The following TCHP variants were observed in gnomAD, a reference collection of about 807,000 sequenced individuals.
The protein encoded by TCHP is trichoplein keratin filament-binding protein.
In TCHP, 81 loss-of-function variants were observed where a neutral mutation model predicts 88.7. The observed-to-expected ratio is 0.91, with a 90% CI of 0.76 to 1.10. TCHP has a LOEUF of 1.10. TCHP is among the 50% of genes least tolerant of loss of function. The pLI, the probability that TCHP is intolerant of heterozygous loss-of-function variation, is 0.00. For missense variants in TCHP, 641 were observed against 632.1 expected (o/e 1.01, Z -0.15); for synonymous variants, 232 against 232.5 (o/e 1.00, Z 0.02).
At position 109,908,522 on chromosome 12, in the gene TCHP, TGAAG is replaced by T. The variant is rs1348202375; in HGVS notation, c.700-59_700-56del. 9.4e-6 allele frequency: 13 copies of T among 1,387,812 alleles called. No homozygotes were observed. In the East Asian group the frequency reaches 2.6e-4, roughly 28 times the overall value. 86.0% of individuals were successfully genotyped at this position (1,387,812 alleles called of 1,614,324 possible). A position where few individuals can be genotyped will look rare whatever the true frequency, so the allele number is the denominator to read the frequency against. On this transcript the variant is annotated intron_variant, in intron 6 of 12. Coordinates refer to ENST00000405876, the MANE Select transcript of TCHP (RefSeq NM_001143852.2). ...GTCTGCGAAAAATGGAGATGGAGAA[TGAAG>T]GAAGATCTGATTCCCACGATCTCAG...
chr12:109,884,484 G>A, the TCHP span, among the ~76,000 whole-genome samples: 6 of 152,084 alleles, frequency 3.9e-5, no homozygotes, highest in African/African-American at 7.2e-5. Context: ...CACTGCACCC[G>A]GCCGAATCCA....
At chr12:109,907,432 C>T in intron 5 of TCHP, 94 bp from the exon 6 acceptor site, 2 of 1,329,566 alleles carry the variant, frequency 1.5e-6, no homozygotes, top group Non-Finnish European at 2.1e-6. Flanking sequence ...CAGGAACTGC[C>T]TGGGCCCTGT....
chr12:109,902,147 A>G (rs1238390035), intron 1 of TCHP, among the ~76,000 whole-genome samples: 1 of 152,150 alleles, frequency 6.6e-6, no homozygotes, highest in African/African-American at 2.4e-5. Context: ...GCTGGCCCAC[A>G]GCTGGGTGCA....
chr12:109,904,301 G>C (rs562758657), intron 3 of TCHP, among the ~76,000 whole-genome samples, 154 bp downstream of exon 3: 3 of 152,276 alleles, frequency 2.0e-5, no homozygotes, highest in African/African-American at 7.2e-5. Context: ...CTTGTGCAGG[G>C]ACTGGGTTTT....
intron 1 of TCHP, chr12:109,900,774 T>C (rs1318807033): frequency 6.6e-6 from 1 of 152,218 alleles, no homozygotes; most frequent in Non-Finnish European, 1.5e-5. Context: ...GGTCACACGT[T>C]AGCAGCCTGC....
intron 5 of TCHP, 126 bp from the exon 6 acceptor site, chr12:109,907,400 G>A (rs1445021836): frequency 1.1e-6 from 1 of 927,900 alleles, no homozygotes; most frequent in Non-Finnish European, 1.7e-6. Flanking sequence ...GCGTCTGAGG[G>A]CGTTGTCATT....
the TCHP span, among the ~76,000 whole-genome samples, chr12:109,887,266 AC>A: frequency 4.6e-5 from 7 of 151,976 alleles, no homozygotes; most frequent in Non-Finnish European, 8.8e-5. Context: ...TACTAAAAAT[AC>A]AAAAATTAGC....
At chr12:109,888,177 G>T in the TCHP span, 1 of 152,394 alleles carries the variant, frequency 6.6e-6, no homozygotes, top group Non-Finnish European at 1.5e-5. Context: ...AATTGTTCAA[G>T]AATAGAAGGG....
At chr12:109,890,173 A>G in the TCHP span, among the ~76,000 whole-genome samples, 1 of 152,178 alleles carries the variant, frequency 6.6e-6, no homozygotes, top group South Asian at 2.1e-4. Flanking sequence ...TCACATGGAT[A>G]AACTGTTCTA....
At chr12:109,881,787 A>T in the TCHP span, among the ~76,000 whole-genome samples, 4 of 152,168 alleles carry the variant, frequency 2.6e-5, no homozygotes, top group African/African-American at 9.7e-5. Flanking sequence ...ATCACAAGTC[A>T]TCTCAGCCAC....
chr12:109,891,569 G>T, the TCHP span, among the ~76,000 whole-genome samples: 8 of 141,110 alleles, frequency 5.7e-5, no homozygotes, highest in South Asian at 4.5e-4. Context: ...AATTTTTTGG[G>T]TTTTTTTTTT....
chr12:109,896,483 G>C (rs992672340), upstream of TCHP, among the ~76,000 whole-genome samples: 7 of 152,208 alleles, frequency 4.6e-5, no homozygotes, highest in African/African-American at 1.7e-4. Context: ...ATATCTCAAA[G>C]CACCTGGCAC....
rs764754899 is a variant in TCHP, at chr12:109,904,821, A to C, written c.456+28A>C. The C allele has an allele frequency of 2.5e-6, 4 of 1,587,964 alleles. No individual in the cohort carries two copies. In the African/African-American group the frequency reaches 4.1e-5, roughly 16 times the overall value. The stretch of plus-strand genomic sequence containing the variant: ...GAAAATCAGAGATCTCCATTGATTT[A>C]TCTAAGTAGATGAAATCATGTTTCC... On this transcript the variant is annotated intron_variant, in intron 4 of 12. Transcript: ENST00000405876.
intron 5 of TCHP, among the ~76,000 whole-genome samples, chr12:109,907,253 C>T (rs75573384): frequency 0.026 from 4,029 of 152,326 alleles, 124 homozygotes; most frequent in African/African-American, 0.069. Context: ...AAACTCGCAG[C>T]CCTGGCTTAC....
chr12:109,899,671 A>G (rs1182691314), upstream of TCHP, among the ~76,000 whole-genome samples: 1 of 152,056 alleles, frequency 6.6e-6, no homozygotes, highest in Non-Finnish European at 1.5e-5. Context: ...ACTTCCATCT[A>G]CTTATGCCAG....
intron 11 of TCHP, 30 bp downstream of exon 11, chr12:109,914,657 C>A: frequency 6.3e-7 from 1 of 1,583,888 alleles, no homozygotes; most frequent in Non-Finnish European, 8.6e-7. Context: ...CGGGAGGCAC[C>A]GGGCCTGCCA....
Position 109,904,747 on chromosome 12 carries a change from A to G in TCHP, c.410A>G (p.Gln137Arg). The G allele has an allele frequency of 6.2e-7, 1 of 1,612,082 alleles. No homozygotes were observed. The highest frequency in any genetic ancestry group is 8.5e-7 in the Non-Finnish European group (1 of 1,179,512). Reference protein sequence around the residue: ...KEEQRKLIAEQLLYEHWKKNN... With the variant: ...KEEQRKLIAERLLYEHWKKNN... ...GTGTTTTCTTGATAGATTGCTGAAC[A>G]ACTTTTGTACGAACACTGGAAAAAG... is the stretch of plus-strand genomic sequence containing the variant. The change falls in exon 4 of 13, where the codon CAA (glutamine) becomes CGA (arginine). Residue 137 changes from glutamine (Q) to arginine (R), a missense_variant. Physicochemically the swap from Gln to Arg is conservative, Grantham distance 43. Transcript: ENST00000405876.
chr12:109,901,044 A>C (rs1382616653), intron 1 of TCHP: 9 of 152,186 alleles, frequency 5.9e-5, no homozygotes, highest in African/African-American at 1.9e-4. Flanking sequence ...CAGCTTCTTC[A>C]TCTGCAAGAT....
chr12:109,897,232 A>G (rs1565905829), upstream of TCHP, among the ~76,000 whole-genome samples: 1 of 152,254 alleles, frequency 6.6e-6, no homozygotes, highest in East Asian at 1.9e-4. Flanking sequence ...GTTGCTTAAT[A>G]GCGACAGCCA....
Sources: allele counts gnomAD v4.1 joint callset (sites outside exome capture counted in the v4.1 genomes callset), GRCh38; gene constraint gnomAD v4.1.1; transcripts MANE v1.5; gene names NCBI Gene and HGNC (gene_info 2026-07-23, HGNC 2026-07-21).